Variants in DR1 observed in about 807,000 individuals in gnomAD.
The protein encoded by DR1 is protein Dr1.
In DR1, 7 loss-of-function variants were observed where a neutral mutation model predicts 19.9. The ratio of observed to expected loss-of-function variants is 0.35; its 90% confidence interval spans 0.20 to 0.66. The LOEUF (loss-of-function observed/expected upper bound fraction) is 0.66. Among genes scored for constraint, DR1 ranks in the 30% least tolerant of loss-of-function variants. The pLI is 0.66. For synonymous variants in DR1, 76 were observed against 72.5 expected (o/e 1.05, Z -0.24); for missense variants, 98 against 203.7 (o/e 0.48, Z 3.16).
At position 93,345,960 on chromosome 1, in the gene DR1, C is replaced by A; in HGVS notation, c.-686C>A. ...AAACCTTCCCTGGCATCTGGAGGGACCACCGTTGCCGCGTCTTCGGCTTCC... is the reference window on the plus strand; with the variant it reads ...AAACCTTCCCTGGCATCTGGAGGGAACACCGTTGCCGCGTCTTCGGCTTCC... On this transcript the variant is annotated 5_prime_UTR_variant, in exon 1 of 3. Transcript: ENST00000370272. 1 of 154,056 alleles carries A rather than the reference C, an allele frequency of 6.5e-6. No individual in the cohort carries two copies. 9.5% of individuals were successfully genotyped at this position (154,056 alleles called of 1,614,324 possible). A position where few individuals can be genotyped will look rare whatever the true frequency, so the allele number is the denominator to read the frequency against.
rs1475299215 is a variant in DR1 at position 93,361,911 on chromosome 1, C to T, written c.*1272C>T. ...CAGTATGGTAGTGTTTATAGGAATC[C>T]AGGATGTTGAAGAAATGGCATAATG... On this transcript the variant is annotated 3_prime_UTR_variant, in exon 3 of 3. Transcript: ENST00000370272. 6.6e-6 allele frequency: 1 copy of T among 152,350 alleles called. No individual in the cohort carries two copies. The highest frequency in any genetic ancestry group is 2.4e-5 in the African/African-American group (1 of 41,406). The allele number at this position is 152,350 out of a possible 1,614,324, so 9.4% of individuals were successfully genotyped here. A position where few individuals can be genotyped will look rare whatever the true frequency, so the allele number is the denominator to read the frequency against.
At chr1:93,348,222 A>G (rs1028944172) in intron 1 of DR1, among the ~76,000 whole-genome samples, 1 of 149,394 alleles carries the variant, frequency 6.7e-6, no homozygotes, top group East Asian at 1.9e-4. Flanking sequence ...TTTTTTTTCT[A>G]CTTGTTTGGT....
At chr1:93,353,127 T>C (rs1161026604) in intron 1 of DR1, among the ~76,000 whole-genome samples, 2 of 151,910 alleles carry the variant, frequency 1.3e-5, no homozygotes, top group Non-Finnish European at 2.9e-5. Flanking sequence ...ACTCCTGGAC[T>C]AAAGGGATCC....
At position 93,346,643 on chromosome 1, in the gene DR1, A is replaced by T. The variant is rs763742837; in HGVS notation, c.-3A>T. ...GCCGGGGCGCGAGAAACAGGAAGGT[A>T]CTATGGCTTCCTCGTCTGGCAACGA... On this transcript the variant is annotated 5_prime_UTR_variant, in exon 1 of 3. Coordinates refer to ENST00000370272, the MANE Select transcript of DR1 (RefSeq NM_001938.3). 1 of 1,613,052 alleles carries T rather than the reference A, an allele frequency of 6.2e-7. No individual in the cohort carries two copies. The highest frequency in any genetic ancestry group is 1.3e-5 in the African/African-American group (1 of 74,960).
chr1:93,361,484 G>T lies in DR1; in HGVS notation c.*845G>T, dbSNP rs949918337. 3 of 152,504 alleles carry T rather than the reference G, an allele frequency of 2.0e-5. No homozygotes were observed. The highest frequency in any genetic ancestry group is 7.2e-5 in the African/African-American group (3 of 41,434). 9.4% of individuals were successfully genotyped at this position (152,504 alleles called of 1,614,324 possible). On this transcript the variant is annotated 3_prime_UTR_variant, in exon 3 of 3. Coordinates refer to ENST00000370272, the MANE Select transcript of DR1 (RefSeq NM_001938.3). ...TGGTACTTTTGAAACAATTACATTGGTTCTCTTGGTTTAACTGAGGTTTAT... is the reference window on the plus strand; with the variant it reads ...TGGTACTTTTGAAACAATTACATTGTTTCTCTTGGTTTAACTGAGGTTTAT...
intron 2 of DR1, among the ~76,000 whole-genome samples, chr1:93,360,127 TGAAAG>T (rs1420936858): frequency 6.6e-6 from 1 of 152,000 alleles, no homozygotes; most frequent in African/African-American, 2.4e-5. Flanking sequence ...TCAAGTGAAA[TGAAAG>T]GAAAAGAAGA....
At chr1:93,356,388 T>A (rs946158263) in intron 2 of DR1, among the ~76,000 whole-genome samples, 4 of 152,080 alleles carry the variant, frequency 2.6e-5, no homozygotes, top group African/African-American at 9.7e-5. Context: ...ACTATAGATG[T>A]GCACTAGTGA....
chr1:93,366,791 C>T lies in DR1; in HGVS notation c.*6152C>T, dbSNP rs1481352419. 1.3e-5 allele frequency: 2 copies of T among 152,190 alleles called. No individual in the cohort carries two copies. Among genetic ancestry groups the T allele is most frequent in the African/African-American group, 4.8e-5 (2 of 41,430 alleles). 9.4% of individuals were successfully genotyped at this position (152,190 alleles called of 1,614,324 possible). A position where few individuals can be genotyped will look rare whatever the true frequency, so the allele number is the denominator to read the frequency against. On this transcript the variant is annotated 3_prime_UTR_variant, in exon 3 of 3. Transcript: ENST00000370272. Reference sequence around the variant, plus strand: ...TCGAGGTGGGCAGATGGCTTGACCTCAGGAGTTCGGAACCAGCCTGGGTAA... The same window carrying T: ...TCGAGGTGGGCAGATGGCTTGACCTTAGGAGTTCGGAACCAGCCTGGGTAA...
Position 93,360,914 on chromosome 1 carries a change from C to A in DR1, c.*275C>A. 3.4e-6 allele frequency: 1 copy of A among 297,962 alleles called. No homozygotes were observed. Among genetic ancestry groups the A allele is most frequent in the Non-Finnish European group, 6.2e-6 (1 of 161,848 alleles). 18.5% of individuals were successfully genotyped at this position (297,962 alleles called of 1,614,324 possible). ...GATAGCAGCGAGTCCTTCGTTTGAT[C>A]AATAAACAGTGTTACAGATAACTTC... On this transcript the variant is annotated 3_prime_UTR_variant, in exon 3 of 3. Coordinates refer to ENST00000370272, the MANE Select transcript of DR1 (RefSeq NM_001938.3).
rs1667135681 is a variant in DR1, at chr1:93,366,686, A to G, written c.*6047A>G. ...AAACATTGAGATTAATATGAGCTTT[A>G]TATACATTTAAAAAGGATAAAAACA... On this transcript the variant is annotated 3_prime_UTR_variant, in exon 3 of 3. Transcript: ENST00000370272. The G allele has an allele frequency of 6.6e-6, 1 of 152,212 alleles. No homozygotes were observed. Among genetic ancestry groups the G allele is most frequent in the South Asian group, 2.1e-4 (1 of 4,830 alleles). The allele number at this position is 152,212 out of a possible 1,614,324, so 9.4% of individuals were successfully genotyped here. A position where few individuals can be genotyped will look rare whatever the true frequency, so the allele number is the denominator to read the frequency against.
intron 1 of DR1, among the ~76,000 whole-genome samples, chr1:93,348,165 A>G (rs1666875125): frequency 6.6e-6 from 1 of 151,978 alleles, no homozygotes; most frequent in Non-Finnish European, 1.5e-5. Flanking sequence ...AAGCAGAAAA[A>G]TCCCTAGGAA....
In DR1 at chr1:93,369,442, CTCAG is replaced by C. The variant is rs1238662065; in HGVS notation, c.*8805_*8808del. 2 of 152,258 alleles carry C rather than the reference CTCAG, an allele frequency of 1.3e-5. No individual in the cohort carries two copies. The highest frequency in any genetic ancestry group is 2.9e-5 in the Non-Finnish European group (2 of 68,018). 9.4% of individuals were successfully genotyped at this position (152,258 alleles called of 1,614,324 possible). A position where few individuals can be genotyped will look rare whatever the true frequency, so the allele number is the denominator to read the frequency against. The stretch of plus-strand genomic sequence containing the variant: ...TGTCCACTGTTGTCTAAATGATTCA[CTCAG>C]TGTTATGCAGAATATGAGAAGTTAT... On this transcript the variant is annotated 3_prime_UTR_variant, in exon 3 of 3. Coordinates refer to ENST00000370272, the MANE Select transcript of DR1 (RefSeq NM_001938.3).
chr1:93,355,276 A>G (rs1666966248), intron 2 of DR1: 1 of 152,174 alleles, frequency 6.6e-6, no homozygotes, highest in Non-Finnish European at 1.5e-5. Flanking sequence ...CTTCCTTGAA[A>G]TTGTTTGTCA....
intron 1 of DR1, 82 bp from the exon 2 acceptor site, chr1:93,353,826 C>A: frequency 8.8e-7 from 1 of 1,142,276 alleles, no homozygotes; most frequent in Non-Finnish European, 1.2e-6. Flanking sequence ...CAAAGAAAAG[C>A]CCACAAAAAC....
At position 93,346,767 on chromosome 1, in the gene DR1, A is replaced by G. The variant is rs372870592; in HGVS notation, c.122A>G (p.Asn41Ser). 1.2e-5 allele frequency: 20 copies of G among 1,614,136 alleles called. No homozygotes were observed. In the East Asian group the frequency reaches 1.8e-4, roughly 14 times the overall value. ...AACGATGCTCGAGAGCTGGTGGTGA[A>G]CTGCTGCACTGAATTCATTCACCTT... ...VANDARELVV[N>S]CCTEFIHLIS... The change falls in exon 1 of 3, where the codon AAC becomes AGC. Residue 41 changes from asparagine to serine, a missense_variant. Coordinates refer to ENST00000370272, the MANE Select transcript of DR1 (RefSeq NM_001938.3).
Position 93,364,601 on chromosome 1 carries a change from C to T in DR1, c.*3962C>T, listed in dbSNP as rs1667095017. The T allele has an allele frequency of 6.6e-6, 1 of 152,032 alleles. No individual in the cohort carries two copies. Among genetic ancestry groups the T allele is most frequent in the Non-Finnish European group, 1.5e-5 (1 of 68,000 alleles). The allele number at this position is 152,032 out of a possible 1,614,324, so 9.4% of individuals were successfully genotyped here. On this transcript the variant is annotated 3_prime_UTR_variant, in exon 3 of 3. Transcript: ENST00000370272. ...TGTCCCCAACAATTTGACCACAAGTCCTACCCCACCTCCTCTGTTTTTCAC... is the reference window on the plus strand; with the variant it reads ...TGTCCCCAACAATTTGACCACAAGTTCTACCCCACCTCCTCTGTTTTTCAC...
chr1:93,358,475 C>T (rs923062718), intron 2 of DR1, among the ~76,000 whole-genome samples: 5 of 152,180 alleles, frequency 3.3e-5, no homozygotes, highest in African/African-American at 1.2e-4. Flanking sequence ...ACGCGGTTTG[C>T]ATTTTCTCTA....
chr1:93,360,502 C>T lies in DR1; in HGVS notation c.394C>T (p.Gln132Ter). 1 of 1,578,410 alleles carries T rather than the reference C, an allele frequency of 6.3e-7. No homozygotes were observed. The highest frequency in any genetic ancestry group is 8.6e-7 in the Non-Finnish European group (1 of 1,168,914). The change falls in exon 3 of 3, where the codon CAA (glutamine) becomes TAA (stop). Residue 132 changes from glutamine to a stop codon, truncating the protein, a stop_gained. Coordinates refer to ENST00000370272, the MANE Select transcript of DR1 (RefSeq NM_001938.3). LOFTEE classifies it high-confidence loss of function. ...QQELFAKARQ[Q>*]QAELAQQEWL... ...TGTTTTGGGTGTTTAGGCTAGACAGCAACAAGCAGAATTGGCCCAACAGGA... is the reference window on the plus strand; with the variant it reads ...TGTTTTGGGTGTTTAGGCTAGACAGTAACAAGCAGAATTGGCCCAACAGGA...
Position 93,360,874 on chromosome 1 carries a change from G to T in DR1, c.*235G>T. The T allele has an allele frequency of 2.4e-6, 1 of 421,750 alleles. No individual in the cohort carries two copies. Among genetic ancestry groups the T allele is most frequent in the Non-Finnish European group, 4.1e-6 (1 of 243,378 alleles). 26.1% of individuals were successfully genotyped at this position (421,750 alleles called of 1,614,324 possible). ...ATATCAATTTTGAATTTTTAATGGT[G>T]TTTATGAAATTTTAGATAGCAGCGA... On this transcript the variant is annotated 3_prime_UTR_variant, in exon 3 of 3. Transcript: ENST00000370272.
Sources: gnomAD v4.1 joint callset for allele counts (sites outside exome capture counted in the v4.1 genomes callset) on GRCh38, gnomAD v4.1.1 for gene constraint, MANE v1.5 for transcripts, NCBI Gene and HGNC (gene_info 2026-07-23, HGNC 2026-07-21) for gene names.